The following PCDH9 variants were observed in gnomAD, a reference collection of about 807,000 sequenced individuals.
PCDH9 encodes protocadherin-9.
A neutral mutation model predicts 70.6 loss-of-function variants in PCDH9; 24 were observed. That is an observed-to-expected ratio of 0.34 (90% CI 0.25 to 0.48). PCDH9 has a LOEUF of 0.48. PCDH9 is among the 20% of genes least tolerant of loss of function. PCDH9 has a pLI of 0.99. For synonymous variants in PCDH9, 562 were observed against 558.5 expected (o/e 1.01, Z -0.09); for missense variants, 1,281 against 1,503.6 (o/e 0.85, Z 2.45).
At chr13:66,464,927 C>T (rs964544879) in intron 4 of PCDH9, among the ~76,000 whole-genome samples, 1 of 151,858 alleles carries the variant, frequency 6.6e-6, no homozygotes, top group South Asian at 2.1e-4. Flanking sequence ...TTATCTTCTT[C>T]TCCTTGGCCA....
chr13:66,619,951 A>G (rs928863405), intron 4 of PCDH9, among the ~76,000 whole-genome samples: 2 of 152,116 alleles, frequency 1.3e-5, no homozygotes, highest in Non-Finnish European at 2.9e-5. Flanking sequence ...TCAGTTTTCA[A>G]TTTCCAATTT....
At chr13:66,789,196 C>A (rs1302199039) in intron 3 of PCDH9, among the ~76,000 whole-genome samples, 1 of 152,120 alleles carries the variant, frequency 6.6e-6, no homozygotes, top group Non-Finnish European at 1.5e-5. Context: ...AATTCAGACC[C>A]TGAGTAACCG....
intron 2 of PCDH9, among the ~76,000 whole-genome samples, chr13:66,959,074 C>T (rs1215578174): frequency 6.6e-6 from 1 of 152,042 alleles, no homozygotes; most frequent in Non-Finnish European, 1.5e-5. Flanking sequence ...ATGTAAGAGC[C>T]TATGTGGGTT....
intron 2 of PCDH9, among the ~76,000 whole-genome samples, chr13:66,934,874 C>A (rs2082888302): frequency 6.8e-6 from 1 of 147,490 alleles, no homozygotes; most frequent in Non-Finnish European, 1.5e-5. Flanking sequence ...GCGCCCGCTA[C>A]CACGCCCGGC....
intron 4 of PCDH9, among the ~76,000 whole-genome samples, chr13:66,604,634 T>C (rs1295687102): frequency 6.6e-6 from 1 of 152,080 alleles, no homozygotes; most frequent in African/African-American, 2.4e-5. Context: ...CCAAAACTGT[T>C]AACTCAGTAC....
At chr13:66,366,871 A>G (rs1956562412) in intron 4 of PCDH9, among the ~76,000 whole-genome samples, 1 of 152,150 alleles carries the variant, frequency 6.6e-6, no homozygotes, top group Admixed American at 6.6e-5. Context: ...GTTTTATAGT[A>G]TATGATAGAA....
intron 2 of PCDH9, among the ~76,000 whole-genome samples, chr13:66,915,235 T>C (rs1039179407): frequency 6.6e-6 from 1 of 151,740 alleles, no homozygotes; most frequent in African/African-American, 2.4e-5. Context: ...ATATACATTC[T>C]AATAATTTTA....
intron 4 of PCDH9, among the ~76,000 whole-genome samples, chr13:66,507,496 T>C (rs1959242467): frequency 6.6e-6 from 1 of 152,134 alleles, no homozygotes; most frequent in African/African-American, 2.4e-5. Flanking sequence ...AAACTGTATG[T>C]GTATGTTTGT....
intron 4 of PCDH9, among the ~76,000 whole-genome samples, chr13:66,420,259 A>T (rs7338154): frequency 0.39 from 59,987 of 152,056 alleles, 12,525 homozygotes; most frequent in South Asian, 0.53. Context: ...ATCAGACTTA[A>T]ACGTTCCTGC....
At chr13:66,679,582 A>C (rs1178104869) in intron 3 of PCDH9, among the ~76,000 whole-genome samples, 2 of 151,920 alleles carry the variant, frequency 1.3e-5, no homozygotes, top group Non-Finnish European at 2.9e-5. Flanking sequence ...TGAAAGATGA[A>C]GAGAATAAAA....
chr13:66,617,208 G>A (rs922132441), intron 4 of PCDH9, among the ~76,000 whole-genome samples: 11 of 152,118 alleles, frequency 7.2e-5, no homozygotes, highest in African/African-American at 2.2e-4. Flanking sequence ...TTGCACTCAT[G>A]GTGGCACCTG....
At position 66,895,597 on chromosome 13, in the gene PCDH9, C is replaced by T. The variant is rs559672788; in HGVS notation, c.3138+7907G>A. Among the ~76,000 whole-genome samples the T allele has an allele frequency of 3.1e-4, 47 of 152,304 alleles. 1 individual carries two copies. In the South Asian group the frequency reaches 9.7e-3, roughly 32 times the overall value. ...AGAAACTTCTGAAAACTCCACACACCTACATTAATTGAATAAGCAAATGCT... is the reference window on the plus strand; with the variant it reads ...AGAAACTTCTGAAAACTCCACACACTTACATTAATTGAATAAGCAAATGCT... On this transcript the variant is annotated intron_variant, in intron 3 of 4. Transcript: ENST00000377865.
chr13:66,670,279 C>G (rs2078154966), intron 3 of PCDH9, among the ~76,000 whole-genome samples: 1 of 152,152 alleles, frequency 6.6e-6, no homozygotes, highest in South Asian at 2.1e-4. Context: ...AGACATGCAG[C>G]TTTAAAATAA....
At chr13:67,115,549 G>T (rs957619411) in intron 2 of PCDH9, among the ~76,000 whole-genome samples, 1 of 152,166 alleles carries the variant, frequency 6.6e-6, no homozygotes, top group African/African-American at 2.4e-5. Context: ...AGTGATCCTT[G>T]TAAACTTTCC....
intron 4 of PCDH9, among the ~76,000 whole-genome samples, chr13:66,349,836 G>A (rs1956266422): frequency 6.6e-6 from 1 of 152,038 alleles, no homozygotes; most frequent in Non-Finnish European, 1.5e-5. Flanking sequence ...TTAGAGCTAG[G>A]GAACTACTAC....
chr13:67,142,409 T>G (rs983858944), intron 2 of PCDH9, among the ~76,000 whole-genome samples: 1 of 152,204 alleles, frequency 6.6e-6, no homozygotes, highest in African/African-American at 2.4e-5. Flanking sequence ...TTAGGACTTA[T>G]AATTTATTTT....
intron 4 of PCDH9, among the ~76,000 whole-genome samples, chr13:66,527,542 A>G (rs1295849055): frequency 6.6e-6 from 1 of 152,294 alleles, no homozygotes; most frequent in South Asian, 2.1e-4. Flanking sequence ...AGTCTTCTAA[A>G]GAACTTTTTG....
At chr13:67,109,644 C>T (rs2086616398) in intron 2 of PCDH9, among the ~76,000 whole-genome samples, 1 of 152,130 alleles carries the variant, frequency 6.6e-6, no homozygotes, top group Non-Finnish European at 1.5e-5. Flanking sequence ...AGCATTATGA[C>T]ATGAGAATTA....
intron 2 of PCDH9, among the ~76,000 whole-genome samples, chr13:66,949,248 C>A (rs1427262909): frequency 6.6e-6 from 1 of 152,126 alleles, no homozygotes; most frequent in Non-Finnish European, 1.5e-5. Flanking sequence ...CATTTCCAGA[C>A]AAGTCTTTCA....
Sources: gnomAD v4.1 joint callset for allele counts (sites outside exome capture counted in the v4.1 genomes callset) on GRCh38, gnomAD v4.1.1 for gene constraint, MANE v1.5 for transcripts, NCBI Gene and HGNC (gene_info 2026-07-23, HGNC 2026-07-21) for gene names.